PKP3: variants seen among roughly 807,000 people sequenced by gnomAD.
The protein encoded by PKP3 is plakophilin 3, also known as plakophilin-3.
PKP3 carries 66 observed loss-of-function variants against 76.5 expected under a neutral mutation model. That is an observed-to-expected ratio of 0.86 (90% CI 0.71 to 1.06). The LOEUF is 1.06. PKP3 is among the 50% of genes least tolerant of loss of function. PKP3 has a pLI of 0.00. For synonymous variants in PKP3, 638 were observed against 516.5 expected (o/e 1.24, Z -3.19); for missense variants, 1,338 against 1,141.0 (o/e 1.17, Z -2.49).
chr11:394,481 C>A lies in PKP3; in HGVS notation c.189C>A (p.His63Gln). 2 of 1,426,130 alleles carry A rather than the reference C, an allele frequency of 1.4e-6. No individual in the cohort carries two copies. The highest frequency in any genetic ancestry group is 1.4e-5 in the South Asian group (1 of 70,082). 88.3% of individuals were successfully genotyped at this position (1,426,130 alleles called of 1,614,324 possible). ...TGCAGCTGGGACAGCAGCCGCGGCA[C>A]AACGGGGCCGCTGAGCCCGAGCCTG... ...RLLQLGQQPR[H>Q]NGAAEPEPEA... is the part of the protein sequence containing the mutation. The change falls in exon 1 of 13, where the codon CAC becomes CAA. Residue 63 changes from histidine (H) to glutamine (Q), a missense_variant. Transcript: ENST00000331563.
In PKP3 at chr11:396,633, C is replaced by T. The variant is rs1847048269; in HGVS notation, c.258C>T (p.Thr86=). 1 of 1,610,386 alleles carries T rather than the reference C, an allele frequency of 6.2e-7. No homozygotes were observed. The highest frequency in any genetic ancestry group is 8.5e-7 in the Non-Finnish European group (1 of 1,179,140). ...ARGTSRGQYH[T]LQAGFSSRSQ... ...GCACATCCAGGGGGCAGTACCACAC[C>T]CTGCAGGCTGGCTTCAGCTCTCGCT... is the stretch of plus-strand genomic sequence containing the variant. The change falls in exon 2 of 13, where the codon ACC becomes ACT. Residue 86 remains threonine, a synonymous_variant. Transcript: ENST00000331563.
rs573029616 is a variant in PKP3 at position 403,367 on chromosome 11, C to G, written c.1923+104C>G. 8.6e-6 allele frequency: 9 copies of G among 1,044,242 alleles called. No homozygotes were observed. In the African/African-American group the frequency reaches 1.3e-4, roughly 15 times the overall value. 64.7% of individuals were successfully genotyped at this position (1,044,242 alleles called of 1,614,324 possible). On this transcript the variant is annotated intron_variant, in intron 9 of 12. Coordinates refer to ENST00000331563, the MANE Select transcript of PKP3 (RefSeq NM_007183.4). ...GGAGGAGGAAGGGGACGCCCAGGGT[C>G]CGCGGAGCCTCGGAGGTCAGCGTCC... is the stretch of plus-strand genomic sequence containing the variant.
upstream of PKP3, chr11:392,738 C>A: frequency 8.3e-7 from 1 of 1,202,134 alleles, no homozygotes; most frequent in Non-Finnish European, 1.1e-6. Flanking sequence ...CCCACCACCC[C>A]GACCCCACCT....
In PKP3 at chr11:396,465, G is replaced by C; in HGVS notation, c.233-143G>C. The C allele has an allele frequency of 5.2e-6, 3 of 580,130 alleles. No individual in the cohort carries two copies. The South Asian group carries it at 6.7e-5, about 13-fold the overall frequency. The allele number at this position is 580,130 out of a possible 1,614,324, so 35.9% of individuals were successfully genotyped here. On this transcript the variant is annotated intron_variant, in intron 1 of 12. Coordinates refer to ENST00000331563, the MANE Select transcript of PKP3 (RefSeq NM_007183.4). ...GCCATGGCAGGAATGGGGAGGCACT[G>C]GCCCTGGTGCCCCCCTGGCCTCCCT...
At chr11:393,648 C>G (rs540342879), upstream of PKP3, 1 of 152,218 alleles carries the variant, frequency 6.6e-6, no homozygotes, top group Admixed American at 6.5e-5. Context: ...CATGGAGTCC[C>G]GTTGGACCCT....
At chr11:396,505 G>C (rs982731049) in intron 1 of PKP3, 103 bp from the exon 2 acceptor site, 1 of 771,458 alleles carries the variant, frequency 1.3e-6, no homozygotes. Flanking sequence ...TGGATTGGAG[G>C]CTGCTCCTAG....
At chr11:398,848 C>T (rs1397675726) in intron 4 of PKP3, 144 bp from the exon 5 acceptor site, 11 of 670,908 alleles carry the variant, frequency 1.6e-5, no homozygotes, top group Admixed American at 1.1e-4. Context: ...CACCTCCCTA[C>T]CGCCGCACAC....
Position 400,024 on chromosome 11 carries a change from C to T in PKP3, c.1331C>T (p.Thr444Met), listed in dbSNP as rs151201080. Residue 444 changes from threonine to methionine, a missense_variant, in exon 6 of 13, where the codon ACG becomes ATG. By Grantham distance (81) the Thr-to-Met change is moderately conservative (BLOSUM62 -1). Transcript: ENST00000331563. ...CTGAAGGACCGCCTGGCCAGAGACA[C>T]GCTGGAGCAGCTCACAGACCTGGTG... ...DHLKDRLARD[T>M]LEQLTDLVLS... 9.4e-3 allele frequency: 15,156 copies of T among 1,607,886 alleles called. 93 individuals are homozygous for T. The highest frequency in any genetic ancestry group is 0.012 in the Middle Eastern group (58 of 4,682).
At position 394,355 on chromosome 11, in the gene PKP3, G is replaced by A. The variant is rs988491372; in HGVS notation, c.63G>A (p.Ala21=). 1.9e-5 allele frequency: 28 copies of A among 1,512,432 alleles called. No homozygotes were observed. The African/African-American group carries it at 2.4e-4, about 13-fold the overall frequency. 93.7% of individuals were successfully genotyped at this position (1,512,432 alleles called of 1,614,324 possible). The change falls in exon 1 of 13, where the codon GCG becomes GCA. Residue 21 remains alanine, a synonymous_variant. Coordinates refer to ENST00000331563, the MANE Select transcript of PKP3 (RefSeq NM_007183.4). Reference sequence around the variant, plus strand: ...CTGAGGCCGGCGTGTGCTCCCTGGCGCTGCCCTCTGACCTGCAGCTGGACC... The same window carrying A: ...CTGAGGCCGGCGTGTGCTCCCTGGCACTGCCCTCTGACCTGCAGCTGGACC... ...LQPEAGVCSL[A]LPSDLQLDRR... is the part of the protein sequence containing the mutation.
Position 403,946 on chromosome 11 carries a change from C to T in PKP3, c.2081C>T (p.Thr694Met), listed in dbSNP as rs778259280. 82 of 1,596,956 alleles carry T rather than the reference C, an allele frequency of 5.1e-5. No individual in the cohort carries two copies. The highest frequency in any genetic ancestry group is 6.6e-5 in the Non-Finnish European group (77 of 1,170,014). The part of the protein sequence containing the change: ...RNARNKDEMS[T>M]KVVSHLIEKL... Reference sequence around the variant, plus strand: ...ACTGACCCCCGGCCTCCCACAGCCACGAAGGTGGTGAGCCACCTGATCGAG... The same window carrying T: ...ACTGACCCCCGGCCTCCCACAGCCATGAAGGTGGTGAGCCACCTGATCGAG... Residue 694 changes from threonine (T) to methionine (M), a missense_variant, in exon 11 of 13, where the codon ACG becomes ATG. Physicochemically the swap from Thr to Met is moderately conservative, Grantham distance 81 (BLOSUM62 -1). Transcript: ENST00000331563.
Position 396,656 on chromosome 11 carries a change from G to T in PKP3, c.281G>T (p.Arg94Leu). The change falls in exon 2 of 13, where the codon CGC (arginine) becomes CTC (leucine). Residue 94 changes from arginine to leucine, a missense_variant. Arg to Leu is a moderately radical substitution (Grantham distance 102). Coordinates refer to ENST00000331563, the MANE Select transcript of PKP3 (RefSeq NM_007183.4). ...YHTLQAGFSSRSQGLSGDKTS... is the reference protein window; with the variant it reads ...YHTLQAGFSSLSQGLSGDKTS... ...ACCCTGCAGGCTGGCTTCAGCTCTC[G>T]CTCTCAGGGCCTGAGTGGGGACAAG... 1 of 1,611,238 alleles carries T rather than the reference G, an allele frequency of 6.2e-7. No individual in the cohort carries two copies. Among genetic ancestry groups the T allele is most frequent in the Non-Finnish European group, 8.5e-7 (1 of 1,179,310 alleles).
chr11:393,226 AG>A (rs551404776), upstream of PKP3, among the ~76,000 whole-genome samples: 28 of 149,216 alleles, frequency 1.9e-4, 2 homozygotes, highest in South Asian at 5.9e-3. Context: ...CCCCCCCACC[AG>A]GGGCCCCCCA....
In PKP3 at chr11:396,505, G is replaced by T. The variant is rs982731049; in HGVS notation, c.233-103G>T. 3 of 771,456 alleles carry T rather than the reference G, an allele frequency of 3.9e-6. No individual in the cohort carries two copies. The African/African-American group carries it at 5.3e-5, about 14-fold the overall frequency. 47.8% of individuals were successfully genotyped at this position (771,456 alleles called of 1,614,324 possible). A position where few individuals can be genotyped will look rare whatever the true frequency, so the allele number is the denominator to read the frequency against. On this transcript the variant is annotated intron_variant, in intron 1 of 12. Transcript: ENST00000331563. The stretch of plus-strand genomic sequence containing the variant: ...CTGGCCTCCCTGCCCTGGATTGGAG[G>T]CTGCTCCTAGGGTTGCCAATAGCGA...
Position 397,373 on chromosome 11 carries a change from C to T in PKP3, c.872C>T (p.Ser291Leu), listed in dbSNP as rs373098536. The T allele has an allele frequency of 3.5e-5, 57 of 1,606,410 alleles. No individual in the cohort carries two copies. Among genetic ancestry groups the T allele is most frequent in the African/African-American group, 3.5e-4 (26 of 74,840 alleles). ...VRSLSLSLAD[S>L]GHLPDVHGFN... The stretch of plus-strand genomic sequence containing the variant: ...AGCCTCAGCCTCAGCCTGGCTGACT[C>T]GGGCCACCTGCCGGACGTGCATGGG... Residue 291 changes from serine to leucine, a missense_variant, in exon 3 of 13, where the codon TCG becomes TTG. By Grantham distance (145) the Ser-to-Leu change is moderately radical. Coordinates refer to ENST00000331563, the MANE Select transcript of PKP3 (RefSeq NM_007183.4).
At position 397,188 on chromosome 11, in the gene PKP3, G is replaced by C; in HGVS notation, c.687G>C (p.Leu229=). Residue 229 remains leucine (L), a synonymous_variant, in exon 3 of 13, where the codon CTG becomes CTC. Transcript: ENST00000331563. Reference sequence around the variant, plus strand: ...CCAGCTCCAGCCGGGCAGGGGGGCTGGACTGGCCCGAGGCCACTGAGGTTT... The same window carrying C: ...CCAGCTCCAGCCGGGCAGGGGGGCTCGACTGGCCCGAGGCCACTGAGGTTT... ...ASSSSSRAGG[L]DWPEATEVSP... is the part of the protein sequence containing the mutation. 6.3e-7 allele frequency: 1 copy of C among 1,598,358 alleles called. No individual in the cohort carries two copies. Among genetic ancestry groups the C allele is most frequent in the Admixed American group, 1.7e-5 (1 of 59,920 alleles).
At chr11:403,320 G>A in intron 9 of PKP3, 57 bp downstream of exon 9, 4 of 1,341,164 alleles carry the variant, frequency 3.0e-6, no homozygotes, top group South Asian at 1.3e-5. Context: ...GTTGAGGGGG[G>A]GACAGAGGAG....
chr11:400,590 A>C lies in PKP3; in HGVS notation c.1622A>C (p.Glu541Ala), dbSNP rs1241640563. The C allele has an allele frequency of 1.7e-5, 25 of 1,471,448 alleles. No individual in the cohort carries two copies. Among genetic ancestry groups the C allele is most frequent in the Non-Finnish European group, 2.2e-5 (25 of 1,121,094 alleles). 91.1% of individuals were successfully genotyped at this position (1,471,448 alleles called of 1,614,324 possible). A position where few individuals can be genotyped will look rare whatever the true frequency, so the allele number is the denominator to read the frequency against. Residue 541 changes from glutamate to alanine, a missense_variant, in exon 8 of 13, where the codon GAG (glutamate) becomes GCG (alanine). Physicochemically the swap from Glu to Ala is moderately radical, Grantham distance 107. Transcript: ENST00000331563. The stretch of plus-strand genomic sequence containing the variant: ...AACCTGTCCTACCGCCTCTACGACG[A>C]GATGCCGCCGTCCGCGCTGCAGCGG... ...LRNLSYRLYD[E>A]MPPSALQRLE...
At position 399,967 on chromosome 11, in the gene PKP3, G is replaced by A; in HGVS notation, c.1274G>A (p.Gly425Glu). The change falls in exon 6 of 13, where the codon GGG (glycine) becomes GAG (glutamate). Residue 425 changes from glycine to glutamate, a missense_variant and splice_region_variant. Coordinates refer to ENST00000331563, the MANE Select transcript of PKP3 (RefSeq NM_007183.4). ...QDDELRKNVTGILWNLSSSDH... is the reference protein window; with the variant it reads ...QDDELRKNVTEILWNLSSSDH... Reference sequence around the variant, plus strand: ...GATAGCAGCCTCCCCCGTCCTCCAGGGATCCTGTGGAACCTTTCATCCAGC... The same window carrying A: ...GATAGCAGCCTCCCCCGTCCTCCAGAGATCCTGTGGAACCTTTCATCCAGC... 1 of 1,597,582 alleles carries A rather than the reference G, an allele frequency of 6.3e-7. No individual in the cohort carries two copies. Among genetic ancestry groups the A allele is most frequent in the Non-Finnish European group, 8.5e-7 (1 of 1,173,704 alleles).
rs574418224 is a variant in PKP3, at chr11:396,866, G to A, written c.365G>A (p.Arg122His). The A allele has an allele frequency of 8.2e-5, 131 of 1,599,330 alleles. 1 individual carries two copies. The highest frequency in any genetic ancestry group is 1.1e-4 in the African/African-American group (8 of 74,726). ...TACAGCCCAGCCTCCTGGTCCTCCC[G>A]CTCCGCCGTGGATCTGAGCTGCAGT... ...PAYSPASWSS[R>H]SAVDLSCSRR... Residue 122 changes from arginine (R) to histidine (H), a missense_variant, in exon 3 of 13, where the codon CGC becomes CAC. By Grantham distance (29) the Arg-to-His change is conservative (BLOSUM62 0). Coordinates refer to ENST00000331563, the MANE Select transcript of PKP3 (RefSeq NM_007183.4).
Sources: allele counts gnomAD v4.1 joint callset (sites outside exome capture counted in the v4.1 genomes callset), GRCh38; gene constraint gnomAD v4.1.1; transcripts MANE v1.5; gene names NCBI Gene and HGNC (gene_info 2026-07-23, HGNC 2026-07-21).